Variants in SYT1 observed in about 807,000 individuals in gnomAD.
SYT1 encodes synaptotagmin 1, also known as synaptotagmin-1.
In SYT1, 8 loss-of-function variants were observed where a neutral mutation model predicts 44.8. The ratio of observed to expected loss-of-function variants is 0.18; its 90% CI spans 0.10 to 0.32. The LOEUF is 0.32. Among genes scored for constraint, SYT1 ranks in the 10% least tolerant of loss-of-function variants. SYT1 has a pLI of 1.00. For synonymous variants in SYT1, 154 were observed against 188.8 expected, an observed-to-expected ratio of 0.82 and a Z score of 1.51; for missense variants, 286 against 509.3, an observed-to-expected ratio of 0.56 and a Z score of 4.22.
chr12:79,149,495 A>G (rs1870129972), intron 3 of SYT1, among the ~76,000 whole-genome samples: 1 of 152,166 alleles, frequency 6.6e-6, no homozygotes, highest in Non-Finnish European at 1.5e-5. Flanking sequence ...AATTATCCCT[A>G]ACAATGTTTA....
chr12:78,997,099 A>C (rs1179152060), intron 2 of SYT1, among the ~76,000 whole-genome samples: 1 of 152,226 alleles, frequency 6.6e-6, no homozygotes, highest in Non-Finnish European at 1.5e-5. Context: ...GCCCAACAGC[A>C]TATGCCTCTA....
At chr12:78,882,836 T>A (rs557227358) in intron 1 of SYT1, among the ~76,000 whole-genome samples, 6 of 151,848 alleles carry the variant, frequency 4.0e-5, no homozygotes, top group African/African-American at 1.4e-4. Context: ...TCCAATTGTT[T>A]TGATAATCTC....
intron 1 of SYT1, among the ~76,000 whole-genome samples, chr12:78,921,600 G>T (rs891959148): frequency 6.6e-6 from 1 of 151,864 alleles, no homozygotes; most frequent in Admixed American, 6.6e-5. Flanking sequence ...TGCTCAGGGT[G>T]GATAGAACAG....
At chr12:78,876,642 T>C (rs1874095191) in intron 1 of SYT1, among the ~76,000 whole-genome samples, 1 of 131,960 alleles carries the variant, frequency 7.6e-6, no homozygotes, top group Non-Finnish European at 1.6e-5. Context: ...CGTGTACACA[T>C]ATGTATATAC....
chr12:79,429,455 C>T (rs986486217), intron 9 of SYT1, among the ~76,000 whole-genome samples: 7 of 151,900 alleles, frequency 4.6e-5, no homozygotes, highest in Admixed American at 2.6e-4. Flanking sequence ...GTGATACGCC[C>T]GTCTCGGCCT....
chr12:79,071,429 G>A (rs938708291), intron 3 of SYT1, among the ~76,000 whole-genome samples: 3 of 152,166 alleles, frequency 2.0e-5, no homozygotes, highest in African/African-American at 7.2e-5. Flanking sequence ...AAGGAAAGAA[G>A]TAATTATTAA....
intron 3 of SYT1, among the ~76,000 whole-genome samples, chr12:79,148,722 T>C (rs1383869073): frequency 4.6e-5 from 7 of 152,120 alleles, no homozygotes; most frequent in Non-Finnish European, 2.9e-5. Context: ...AGGTGCTATA[T>C]CTGTATGTGC....
chr12:79,150,459 A>G (rs1870199959), intron 3 of SYT1, among the ~76,000 whole-genome samples: 2 of 152,206 alleles, frequency 1.3e-5, no homozygotes, highest in African/African-American at 4.8e-5. Flanking sequence ...GAAGAGGGGT[A>G]GTGGGACTTT....
At chr12:79,301,451 A>G (rs2138886765) in intron 8 of SYT1, among the ~76,000 whole-genome samples, 1 of 152,260 alleles carries the variant, frequency 6.6e-6, no homozygotes, top group Admixed American at 6.5e-5. Context: ...TTCACTCTAG[A>G]ATCTAGGGGT....
intron 3 of SYT1, among the ~76,000 whole-genome samples, chr12:79,208,484 A>T (rs1341882551): frequency 6.6e-6 from 1 of 152,210 alleles, no homozygotes; most frequent in Admixed American, 6.5e-5. Flanking sequence ...GAAAAGAAAA[A>T]GTTAAGACCA....
chr12:78,901,992 C>T (rs1353208296), intron 1 of SYT1, among the ~76,000 whole-genome samples: 2 of 151,726 alleles, frequency 1.3e-5, no homozygotes, highest in Non-Finnish European at 2.9e-5. Context: ...ACAATAAGAA[C>T]ACATGGACAC....
intron 1 of SYT1, among the ~76,000 whole-genome samples, chr12:78,883,673 T>A (rs989973615): frequency 1.3e-5 from 2 of 151,718 alleles, no homozygotes; most frequent in African/African-American, 2.4e-5. Flanking sequence ...ATGTTTTGGA[T>A]TATTTGAGCC....
intron 4 of SYT1, among the ~76,000 whole-genome samples, chr12:79,218,461 T>C (rs942902380): frequency 1.5e-4 from 23 of 152,146 alleles, no homozygotes; most frequent in African/African-American, 5.3e-4. Context: ...GTGCAAAAGA[T>C]CTCTCGAACT....
rs886404156 is a variant in SYT1 at position 78,875,524 on chromosome 12, C to A, written c.-217+10415C>A. Among the ~76,000 whole-genome samples, 8 of 151,686 alleles carry A rather than the reference C, an allele frequency of 5.3e-5. No individual in the cohort carries two copies. In the East Asian group the frequency reaches 5.8e-4, roughly 11 times the overall value. ...AAAGCACTGGGGTCAAATGAAGCAACCAGTACAGAAGCTCTACAATGGGAA... is the reference window on the plus strand; with the variant it reads ...AAAGCACTGGGGTCAAATGAAGCAAACAGTACAGAAGCTCTACAATGGGAA... On this transcript the variant is annotated intron_variant, in intron 1 of 10. Coordinates refer to ENST00000261205, the MANE Select transcript of SYT1 (RefSeq NM_005639.3).
intron 8 of SYT1, among the ~76,000 whole-genome samples, chr12:79,331,166 A>G (rs1881838798): frequency 6.6e-6 from 1 of 151,972 alleles, no homozygotes; most frequent in Non-Finnish European, 1.5e-5. Context: ...TACCAATCTC[A>G]CCTATAAGCG....
At chr12:79,331,613 G>A (rs1208637293) in intron 8 of SYT1, among the ~76,000 whole-genome samples, 1 of 152,028 alleles carries the variant, frequency 6.6e-6, no homozygotes, top group Non-Finnish European at 1.5e-5. Flanking sequence ...TCCCTTTGCA[G>A]CATTTTTTAT....
At chr12:79,279,265 C>T (rs1221769875) in intron 4 of SYT1, among the ~76,000 whole-genome samples, 1 of 151,856 alleles carries the variant, frequency 6.6e-6, no homozygotes, top group Non-Finnish European at 1.5e-5. Flanking sequence ...ACTAGAAAAC[C>T]AAATCCAACA....
chr12:79,083,113 G>T (rs904380322), intron 3 of SYT1, among the ~76,000 whole-genome samples: 5 of 151,676 alleles, frequency 3.3e-5, no homozygotes, highest in Non-Finnish European at 5.9e-5. Flanking sequence ...AGAAAAATAG[G>T]TAAAAGATAA....
chr12:79,182,857 T>A (rs1484382625), intron 3 of SYT1, among the ~76,000 whole-genome samples: 1 of 152,068 alleles, frequency 6.6e-6, no homozygotes, highest in Admixed American at 6.6e-5. Flanking sequence ...TAGAAATCAG[T>A]TCTGTTTCCC....
Sources: gnomAD v4.1 joint callset for allele counts (sites outside exome capture counted in the v4.1 genomes callset) on GRCh38, gnomAD v4.1.1 for gene constraint, MANE v1.5 for transcripts, NCBI Gene and HGNC (gene_info 2026-07-23, HGNC 2026-07-21) for gene names.